The following GPC5 variants were observed in gnomAD, a reference collection of about 807,000 sequenced individuals.
GPC5 encodes the protein glypican-5.
In GPC5, 47 loss-of-function variants were observed where a neutral mutation model predicts 53.9. That is an observed-to-expected ratio of 0.87 (90% CI 0.69 to 1.11). The LOEUF is 1.11. Ranked by LOEUF, GPC5 falls within the 50% of genes most tolerant of loss-of-function variation. GPC5 has a pLI of 0.00. For synonymous variants in GPC5, 286 were observed against 263.3 expected (o/e 1.09, Z -0.84); for missense variants, 748 against 713.1 (o/e 1.05, Z -0.56).
intron 7 of GPC5, among the ~76,000 whole-genome samples, chr13:92,173,208 G>A (rs1247212448): frequency 1.3e-5 from 2 of 151,502 alleles, no homozygotes; most frequent in Admixed American, 1.3e-4. Context: ...TTTCAAAGTG[G>A]GATTACCCAC....
At chr13:92,606,151 A>G (rs570881092) in intron 7 of GPC5, among the ~76,000 whole-genome samples, 154 of 152,032 alleles carry the variant, frequency 1.0e-3, no homozygotes, top group African/African-American at 3.7e-3. Context: ...GGTTTGTTAC[A>G]TATGTATACA....
At chr13:92,206,295 G>A (rs2139068374) in intron 7 of GPC5, among the ~76,000 whole-genome samples, 1 of 150,640 alleles carries the variant, frequency 6.6e-6, no homozygotes, top group African/African-American at 2.4e-5. Flanking sequence ...CTCCCGAGTA[G>A]CTGCGACTAC....
rs114212985 is a variant in GPC5 at position 92,478,410 on chromosome 13, T to G, written c.1561+333421T>G. Among the ~76,000 whole-genome samples the G allele has an allele frequency of 3.2e-3, 481 of 152,244 alleles. 1 individual carries two copies. Among genetic ancestry groups the G allele is most frequent in the African/African-American group, 0.011 (445 of 41,550 alleles). ...TTGGGGATTTAGAAATTTACATATA[T>G]GAACTGAATCTCAGCAAGCTCTAAA... On this transcript the variant is annotated intron_variant, in intron 7 of 7. Coordinates refer to ENST00000377067, the MANE Select transcript of GPC5 (RefSeq NM_004466.6).
At chr13:92,166,299 TCTAATTGCAGTTCTG>T (rs1221066958) in intron 7 of GPC5, among the ~76,000 whole-genome samples, 1 of 152,168 alleles carries the variant, frequency 6.6e-6, no homozygotes, top group Non-Finnish European at 1.5e-5. Context: ...TAACAAGACC[TCTAATTGCAGTTCTG>T]CTAATGTCCA....
rs754845503 is a variant in GPC5, at chr13:92,866,411, T to C, written c.1691T>C (p.Val564Ala). 2.5e-6 allele frequency: 4 copies of C among 1,608,638 alleles called. No individual in the cohort carries two copies. The highest frequency in any genetic ancestry group is 3.4e-6 in the Non-Finnish European group (4 of 1,176,756). The part of the protein sequence containing the change: ...TESMTFTLIS[V>A]VMLLPGIW ...TCTATGACATTCACTCTGATAAGTG[T>C]GGTGATGTTACTTCCCGGGATTTGG... The change falls in exon 8 of 8, where the codon GTG becomes GCG. Residue 564 changes from valine to alanine, a missense_variant. Transcript: ENST00000377067.
intron 5 of GPC5, among the ~76,000 whole-genome samples, chr13:91,814,784 G>A (rs576645555): frequency 9.2e-5 from 14 of 152,034 alleles, no homozygotes; most frequent in African/African-American, 2.7e-4. Flanking sequence ...CAGGTGATCC[G>A]CCCACCTCAG....
At chr13:92,301,377 A>G (rs1013403881) in intron 7 of GPC5, among the ~76,000 whole-genome samples, 8 of 152,326 alleles carry the variant, frequency 5.3e-5, no homozygotes, top group Admixed American at 1.3e-4. Flanking sequence ...TTGAACTTGT[A>G]GATGATACTG....
intron 7 of GPC5, among the ~76,000 whole-genome samples, chr13:92,641,697 A>C (rs1331002146): frequency 6.6e-6 from 1 of 152,106 alleles, no homozygotes; most frequent in African/African-American, 2.4e-5. Context: ...AGTAGCTTTT[A>C]TATTGTAGTT....
At chr13:91,976,113 G>T (rs989535691) in intron 6 of GPC5, among the ~76,000 whole-genome samples, 2 of 152,016 alleles carry the variant, frequency 1.3e-5, no homozygotes, top group Non-Finnish European at 2.9e-5. Context: ...ACGCTCTGGG[G>T]ACTGTTATGG....
chr13:91,834,650 A>T (rs1416897743), intron 5 of GPC5, among the ~76,000 whole-genome samples: 1 of 152,320 alleles, frequency 6.6e-6, no homozygotes, highest in Admixed American at 6.5e-5. Context: ...TGGAAAAAGG[A>T]TTCCCTATTT....
At chr13:92,169,488 A>G (rs528078820) in intron 7 of GPC5, among the ~76,000 whole-genome samples, 54 of 152,372 alleles carry the variant, frequency 3.5e-4, no homozygotes, top group Non-Finnish European at 4.6e-4. Context: ...TTTCAAAGAC[A>G]GTGTTATAAT....
chr13:92,817,374 G>A (rs543748711), intron 7 of GPC5, among the ~76,000 whole-genome samples: 1 of 151,948 alleles, frequency 6.6e-6, no homozygotes, highest in Non-Finnish European at 1.5e-5. Flanking sequence ...ATTTCGGTTT[G>A]GGTACATACT....
chr13:91,922,210 G>A (rs1201742415), intron 6 of GPC5, among the ~76,000 whole-genome samples: 1 of 152,124 alleles, frequency 6.6e-6, no homozygotes, highest in African/African-American at 2.4e-5. Context: ...TGTATAAAGA[G>A]CTTGTGCATA....
rs76300898 is a variant in GPC5 at position 91,847,298 on chromosome 13, A to G, written c.1281-60639A>G. ...ATAATTACTAGATGTAGTGACTTTTAAAAGACTCCTTTAAGGATGGCTGTT... is the reference window on the plus strand; with the variant it reads ...ATAATTACTAGATGTAGTGACTTTTGAAAGACTCCTTTAAGGATGGCTGTT... On this transcript the variant is annotated intron_variant, in intron 5 of 7. Coordinates refer to ENST00000377067, the MANE Select transcript of GPC5 (RefSeq NM_004466.6). Among the ~76,000 whole-genome samples, 74 of 151,860 alleles carry G rather than the reference A, an allele frequency of 4.9e-4. No homozygotes were observed. The East Asian group carries it at 0.013, about 26-fold the overall frequency.
chr13:91,603,725 T>C (rs867196846), intron 2 of GPC5, among the ~76,000 whole-genome samples: 12 of 152,106 alleles, frequency 7.9e-5, no homozygotes, highest in Middle Eastern at 6.3e-3. Context: ...GTATAATCAG[T>C]TTTTCAAAAA....
intron 7 of GPC5, among the ~76,000 whole-genome samples, chr13:92,228,329 G>T (rs2042504172): frequency 6.6e-6 from 1 of 151,988 alleles, no homozygotes; most frequent in Non-Finnish European, 1.5e-5. Flanking sequence ...AGAAATAAAA[G>T]TAAAATTATT....
At chr13:91,680,483 T>G (rs557180046) in intron 2 of GPC5, among the ~76,000 whole-genome samples, 1 of 152,156 alleles carries the variant, frequency 6.6e-6, no homozygotes, top group South Asian at 2.1e-4. Flanking sequence ...TGATGAAATG[T>G]GTCAAAATGA....
At chr13:92,676,664 A>G (rs1478309255) in intron 7 of GPC5, among the ~76,000 whole-genome samples, 1 of 152,160 alleles carries the variant, frequency 6.6e-6, no homozygotes, top group Non-Finnish European at 1.5e-5. Flanking sequence ...GTAGCATTCC[A>G]CAGACCGACA....
At chr13:92,769,728 GATT>G (rs551062424) in intron 7 of GPC5, among the ~76,000 whole-genome samples, 47 of 152,260 alleles carry the variant, frequency 3.1e-4, no homozygotes, top group Non-Finnish European at 6.3e-4. Flanking sequence ...TTATTTTATA[GATT>G]ATTATTTAAA....
Sources: allele counts gnomAD v4.1 joint callset (sites outside exome capture counted in the v4.1 genomes callset), GRCh38; gene constraint gnomAD v4.1.1; transcripts MANE v1.5; gene names NCBI Gene and HGNC (gene_info 2026-07-23, HGNC 2026-07-21).